The following MYBBP1A variants were observed in gnomAD, a reference collection of about 807,000 sequenced individuals.
MYBBP1A encodes myb-binding protein 1A.
Under a neutral mutation model 136.3 loss-of-function variants are expected in MYBBP1A, and 147 were observed. The observed-to-expected ratio is 1.08, with a 90% CI of 0.94 to 1.24. The LOEUF is 1.24. MYBBP1A is among the 50% of genes most tolerant of loss of function. The pLI is 0.00. For synonymous variants in MYBBP1A, 947 were observed against 735.8 expected, an observed-to-expected ratio of 1.29 and a Z score of -4.65; for missense variants, 2,060 against 1,727.4, an observed-to-expected ratio of 1.19 and a Z score of -3.41.
In MYBBP1A at chr17:4,550,078, G is replaced by C. The variant is rs779357923; in HGVS notation, c.1299C>G (p.Ala433=). 2 of 1,613,064 alleles carry C rather than the reference G, an allele frequency of 1.2e-6. No homozygotes were observed. Among genetic ancestry groups the C allele is most frequent in the East Asian group, 2.2e-5 (1 of 44,864 alleles). ...VDFSTNNQKK[A]QDSSLHMPER... ...CTCACATGTGGAGCGATGAATCCTG[G>C]GCTTTCTTCTGGTTGTTGGTGCTGA... The change falls in exon 9 of 26, where the codon GCC becomes GCG. Residue 433 remains alanine (A), a synonymous_variant. Transcript: ENST00000254718.
intron 13 of MYBBP1A, 124 bp from the exon 14 acceptor site, chr17:4,546,066 GC>G: frequency 1.2e-6 from 1 of 808,352 alleles, no homozygotes. Context: ...CCACTGGCCC[GC>G]CCTGGCCAGT....
chr17:4,549,546 G>A (rs929038584), intron 9 of MYBBP1A, 104 bp from the exon 10 acceptor site: 25 of 986,556 alleles, frequency 2.5e-5, no homozygotes, highest in Non-Finnish European at 3.8e-5. Flanking sequence ...GGAGGCCAAG[G>A]CTGGCCAATC....
intron 13 of MYBBP1A, among the ~76,000 whole-genome samples, chr17:4,546,150 G>A (rs1252950924): frequency 7.2e-5 from 11 of 152,308 alleles, no homozygotes; most frequent in African/African-American, 2.2e-4. Context: ...ATGGAGTCTC[G>A]CTCTATTGCC....
chr17:4,554,920 T>C lies in MYBBP1A; in HGVS notation c.235A>G (p.Thr79Ala). Residue 79 changes from threonine to alanine, a missense_variant, in exon 2 of 26, where the codon ACG becomes GCG. Transcript: ENST00000254718. ...GTTTCTCGCCCGACCCCGAGTCCCG[T>C]GATTAGACGCTTCAGGGCATATTTC... ...EMKYALKRLI[T>A]GLGVGRETAR... 2 of 1,613,328 alleles carry C rather than the reference T, an allele frequency of 1.2e-6. No individual in the cohort carries two copies. Among genetic ancestry groups the C allele is most frequent in the Non-Finnish European group, 1.7e-6 (2 of 1,179,978 alleles).
chr17:4,539,972 AG>A lies in MYBBP1A; in HGVS notation c.3435-6del. 1 of 1,597,310 alleles carries A rather than the reference AG, an allele frequency of 6.3e-7. No individual in the cohort carries two copies. Among genetic ancestry groups the A allele is most frequent in the Admixed American group, 1.7e-5 (1 of 59,934 alleles). ...TTCTTCTCCAACTTGGGGCGCCTGAAGGGAAGTGAGCAAGGTTAGAAGGTGC... is the reference window on the plus strand; with the variant it reads ...TTCTTCTCCAACTTGGGGCGCCTGAAGGAAGTGAGCAAGGTTAGAAGGTGC... On this transcript the variant is annotated splice_polypyrimidine_tract_variant and splice_region_variant and intron_variant, in intron 25 of 25. Transcript: ENST00000254718.
intron 15 of MYBBP1A, 87 bp downstream of exon 15, chr17:4,545,523 A>C: frequency 1.3e-6 from 2 of 1,517,028 alleles, no homozygotes; most frequent in Non-Finnish European, 1.8e-6. Flanking sequence ...CCCGGCAGGG[A>C]GGCTGGAGGC....
At chr17:4,545,380 GC>G in intron 15 of MYBBP1A, 35 bp from the exon 16 acceptor site, 1 of 1,608,866 alleles carries the variant, frequency 6.2e-7, no homozygotes. Context: ...CCCATTTGCA[GC>G]CCCCGCCCTC....
chr17:4,549,969 C>T (rs1007017091), intron 9 of MYBBP1A, 89 bp downstream of exon 9: 35 of 1,408,434 alleles, frequency 2.5e-5, no homozygotes, highest in Admixed American at 1.5e-4. Flanking sequence ...AGAGCCAGGA[C>T]GCTGTGGAGG....
intron 24 of MYBBP1A, 110 bp from the exon 25 acceptor site, chr17:4,540,594 C>T: frequency 7.7e-7 from 1 of 1,298,232 alleles, no homozygotes; most frequent in Non-Finnish European, 1.0e-6. Context: ...GACCCCTGCC[C>T]CTTCCTGGGC....
rs182614447 is a variant in MYBBP1A at position 4,544,754 on chromosome 17, G to T, written c.2478C>A (p.Ile826=). Residue 826 remains isoleucine, a synonymous_variant, in exon 18 of 26, where the codon ATC becomes ATA. Transcript: ENST00000254718. ...KEKALRRDFQ[I]RVLDLVEVLV... ...TGCGGCCCGCCCCCAGGCTCACCCG[G>T]ATCTGGAAGTCGCGCCGCAGAGCCT... The T allele has an allele frequency of 1.2e-3, 1,919 of 1,560,468 alleles. 25 individuals carry two copies. In the African/African-American group the frequency reaches 0.024, roughly 20 times the overall value.
At position 4,554,136 on chromosome 17, in the gene MYBBP1A, T is replaced by A; in HGVS notation, c.379-43A>T. The stretch of plus-strand genomic sequence containing the variant: ...GCACAGGCATGAGGGGCCCTGGAAC[T>A]CCCCATTCCCCAAGCCTCCCACCCC... On this transcript the variant is annotated intron_variant, in intron 3 of 25. Coordinates refer to ENST00000254718, the MANE Select transcript of MYBBP1A (RefSeq NM_014520.4). 1.9e-6 allele frequency: 3 copies of A among 1,612,898 alleles called. No individual in the cohort carries two copies. In the East Asian group the frequency reaches 6.7e-5, roughly 36 times the overall value.
rs760010038 is a variant in MYBBP1A, at chr17:4,543,060, G to C, written c.2745C>G (p.Pro915=). 2 of 1,613,222 alleles carry C rather than the reference G, an allele frequency of 1.2e-6. No individual in the cohort carries two copies. The highest frequency in any genetic ancestry group is 2.7e-5 in the African/African-American group (2 of 74,926). Residue 915 remains proline, a synonymous_variant, in exon 20 of 26, where the codon CCC becomes CCG. Coordinates refer to ENST00000254718, the MANE Select transcript of MYBBP1A (RefSeq NM_014520.4). ...AGTGGTAGAGGGCGGTGGGGGAGTC[G>C]GGCTGGCGGCCAGCCTGCTGCACCA... ...ERLVQQAGRQ[P]DSPTALYHFN...
Position 4,549,322 on chromosome 17 carries a change from C to T in MYBBP1A, c.1430+10G>A. 4 of 1,608,442 alleles carry T rather than the reference C, an allele frequency of 2.5e-6. No homozygotes were observed. The highest frequency in any genetic ancestry group is 3.4e-6 in the Non-Finnish European group (4 of 1,179,306). On this transcript the variant is annotated intron_variant, in intron 10 of 25. Coordinates refer to ENST00000254718, the MANE Select transcript of MYBBP1A (RefSeq NM_014520.4). ...CCCATGGGAAGCTGGGAATCCAGCA[C>T]AGCTCGCACCTGGCCACCTGCTCAG...
chr17:4,542,799 C>T (rs1025775775), intron 20 of MYBBP1A, 58 bp from the exon 21 acceptor site: 27 of 1,603,040 alleles, frequency 1.7e-5, no homozygotes, highest in Non-Finnish European at 1.4e-5. Flanking sequence ...GGGATGGGAG[C>T]AGAGCCTGGC....
rs1014046320 is a variant in MYBBP1A at position 4,552,352 on chromosome 17, G to A, written c.738-60C>T. ...TCACAGGCAAGGGCCAGGGTGACAAGAGCAGCCGGGACACCCCCAGGCCAA... is the reference window on the plus strand; with the variant it reads ...TCACAGGCAAGGGCCAGGGTGACAAAAGCAGCCGGGACACCCCCAGGCCAA... On this transcript the variant is annotated intron_variant, in intron 6 of 25. Transcript: ENST00000254718. This position sits in a 1 kb window ranked among gnomAD's most constrained non-coding sequence, Gnocchi z 4.7. 3 of 1,606,768 alleles carry A rather than the reference G, an allele frequency of 1.9e-6. No homozygotes were observed. The highest frequency in any genetic ancestry group is 2.5e-6 in the Non-Finnish European group (3 of 1,176,900).
intron 22 of MYBBP1A, 130 bp from the exon 23 acceptor site, chr17:4,542,021 G>C: frequency 1.5e-6 from 1 of 669,362 alleles, no homozygotes; most frequent in Non-Finnish European, 2.6e-6. Context: ...GCTGCTCTGG[G>C]CTCTGTGACT....
intron 17 of MYBBP1A, 30 bp downstream of exon 17, chr17:4,544,996 G>GCCCCCCCCCCCCCCCCCCCC: frequency 1.4e-5 from 10 of 697,892 alleles, no homozygotes; most frequent in South Asian, 4.5e-5. Flanking sequence ...GCCCTCCCCG[G>GCCCCCCCCCCCCCCCCCCCC]CCGCCCCCCC....
In MYBBP1A at chr17:4,539,098, T is replaced by C. The variant is rs1567600566; in HGVS notation, c.*317A>G. 1 of 1,494,858 alleles carries C rather than the reference T, an allele frequency of 6.7e-7. No homozygotes were observed. Among genetic ancestry groups the C allele is most frequent in the African/African-American group, 1.4e-5 (1 of 71,648 alleles). 92.6% of individuals were successfully genotyped at this position (1,494,858 alleles called of 1,614,324 possible). A position where few individuals can be genotyped will look rare whatever the true frequency, so the allele number is the denominator to read the frequency against. The stretch of plus-strand genomic sequence containing the variant: ...GCAAAGAGGTGGCAGGCACGAGAGA[T>C]GGTCACACCTGCCTGCAGCCAGCAC... On this transcript the variant is annotated 3_prime_UTR_variant, in exon 26 of 26. Coordinates refer to ENST00000254718, the MANE Select transcript of MYBBP1A (RefSeq NM_014520.4).
In MYBBP1A at chr17:4,545,906, G is replaced by A; in HGVS notation, c.1861C>T (p.Gln621Ter). 1 of 1,613,370 alleles carries A rather than the reference G, an allele frequency of 6.2e-7. No individual in the cohort carries two copies. Among genetic ancestry groups the A allele is most frequent in the Non-Finnish European group, 8.5e-7 (1 of 1,179,994 alleles). The change falls in exon 14 of 26, where the codon CAG (glutamine) becomes TAG (stop). Residue 621 changes from glutamine (Q) to a stop codon, truncating the protein, a stop_gained. Transcript: ENST00000254718. LOFTEE classifies it high-confidence loss of function. The part of the protein sequence containing the change: ...AESCDLLGDI[Q>*]TCIRKSLGEK... ...CCCAGACTTTTCCTGATGCAGGTCT[G>A]GATGTCACCCAGCAGGTCACAGCTC... is the stretch of plus-strand genomic sequence containing the variant.
Sources: allele counts gnomAD v4.1 joint callset (sites outside exome capture counted in the v4.1 genomes callset), GRCh38; gene constraint gnomAD v4.1.1; non-coding constraint Gnocchi (gnomAD v3.1); transcripts MANE v1.5; gene names NCBI Gene and HGNC (gene_info 2026-07-23, HGNC 2026-07-21).